LOC128462377: variants seen among roughly 807,000 people sequenced by gnomAD.
chr16:89,366,530 G>A, the LOC128462377 span, among the ~76,000 whole-genome samples: 8 of 152,320 alleles, frequency 5.3e-5, no homozygotes, highest in Non-Finnish European at 8.8e-5. Context: ...GCTGACTGGT[G>A]TGAGATGGTG....
chr16:89,385,419 G>A, the LOC128462377 span, among the ~76,000 whole-genome samples: 13 of 152,136 alleles, frequency 8.5e-5, no homozygotes, highest in South Asian at 2.1e-3. Flanking sequence ...GTGAGCCACC[G>A]GACCCAGCAG....
the LOC128462377 span, among the ~76,000 whole-genome samples, chr16:89,410,394 G>A: frequency 6.6e-6 from 1 of 152,226 alleles, no homozygotes; most frequent in Non-Finnish European, 1.5e-5. Context: ...CAAGGAAATG[G>A]AGATAATAAA....
chr16:89,334,739 C>T, the LOC128462377 span, among the ~76,000 whole-genome samples: 1 of 152,174 alleles, frequency 6.6e-6, no homozygotes, highest in African/African-American at 2.4e-5. Flanking sequence ...CGTCATACCA[C>T]ACTCACTTGT....
At chr16:89,405,163 C>T in the LOC128462377 span, among the ~76,000 whole-genome samples, 1 of 152,022 alleles carries the variant, frequency 6.6e-6, no homozygotes, top group Non-Finnish European at 1.5e-5. Context: ...CATTGCACTC[C>T]AGCCTGGGCG....
At chr16:89,333,457 C>T in the LOC128462377 span, among the ~76,000 whole-genome samples, 2 of 152,218 alleles carry the variant, frequency 1.3e-5, no homozygotes, top group Non-Finnish European at 1.5e-5. Flanking sequence ...GTGGACCCAC[C>T]GTTGTGGTAT....
the LOC128462377 span, among the ~76,000 whole-genome samples, chr16:89,388,489 T>G: frequency 6.6e-6 from 1 of 151,868 alleles, no homozygotes. Context: ...TAAGCAAGAT[T>G]TGCGTTTCCC....
At chr16:89,381,922 T>A in the LOC128462377 span, among the ~76,000 whole-genome samples, 1 of 152,226 alleles carries the variant, frequency 6.6e-6, no homozygotes, top group Non-Finnish European at 1.5e-5. Context: ...ACTCTCAGGC[T>A]GTGACCTCTC....
chr16:89,391,184 C>T, the LOC128462377 span, among the ~76,000 whole-genome samples: 8 of 148,488 alleles, frequency 5.4e-5, no homozygotes, highest in Non-Finnish European at 1.2e-4. Flanking sequence ...GCCGAGATCG[C>T]GCCACTGAAC....
At chr16:89,345,201 A>G in the LOC128462377 span, among the ~76,000 whole-genome samples, 1 of 152,144 alleles carries the variant, frequency 6.6e-6, no homozygotes, top group Non-Finnish European at 1.5e-5. Flanking sequence ...TCCAAACTGT[A>G]AAGATGGAAA....
At chr16:89,361,619 C>T in the LOC128462377 span, 5 of 152,212 alleles carry the variant, frequency 3.3e-5, no homozygotes, top group African/African-American at 2.4e-5. Flanking sequence ...GGGAGAATGC[C>T]GCTCTGAGGG....
the LOC128462377 span, chr16:89,317,098 C>G: frequency 1.1e-5 from 16 of 1,457,436 alleles, no homozygotes; most frequent in East Asian, 3.6e-4. Flanking sequence ...AGAAGACACA[C>G]AATTCACTGA....
At chr16:89,360,276 T>C in the LOC128462377 span, among the ~76,000 whole-genome samples, 1 of 152,212 alleles carries the variant, frequency 6.6e-6, no homozygotes, top group South Asian at 2.1e-4. Context: ...TCTTATTTTG[T>C]ATTAGGGATG....
chr16:89,364,727 G>A, the LOC128462377 span, among the ~76,000 whole-genome samples: 1 of 152,196 alleles, frequency 6.6e-6, no homozygotes, highest in Admixed American at 6.5e-5. Context: ...ATGGGCCGCG[G>A]GCTGGACAAG....
chr16:89,415,261 CTTTTTTTTT>C, the LOC128462377 span, among the ~76,000 whole-genome samples: 1 of 84,532 alleles, frequency 1.2e-5, no homozygotes, highest in East Asian at 3.5e-4. Context: ...GCCAGCTATT[CTTTTTTTTT>C]TTTTTTTTTT....
chr16:89,329,931 C>T, the LOC128462377 span, among the ~76,000 whole-genome samples: 82 of 151,534 alleles, frequency 5.4e-4, no homozygotes, highest in Non-Finnish European at 1.0e-3. Context: ...CAGAGGCTGC[C>T]GTGAGCAGAG....
chr16:89,384,879 C>CTTTTTTTTTTTTTTTTTTTTTT, the LOC128462377 span, among the ~76,000 whole-genome samples: 63 of 49,938 alleles, frequency 1.3e-3, 5 homozygotes, highest in East Asian at 2.0e-3. Context: ...AAATAGTTTT[C>CTTTTTTTTTTTTTTTTTTTTTT]TTTTTTTTTT....
the LOC128462377 span, among the ~76,000 whole-genome samples, chr16:89,407,433 A>G: frequency 1.3e-5 from 2 of 152,140 alleles, no homozygotes; most frequent in African/African-American, 4.8e-5. Context: ...CCTTCCCAGC[A>G]TTTCCTGCCA....
chr16:89,416,668 A>G, the LOC128462377 span, among the ~76,000 whole-genome samples: 3 of 151,350 alleles, frequency 2.0e-5, no homozygotes, highest in Admixed American at 6.6e-5. Flanking sequence ...GGTGGCTCAC[A>G]CCTGTAATCC....
At chr16:89,342,713 C>G in the LOC128462377 span, among the ~76,000 whole-genome samples, 1 of 152,196 alleles carries the variant, frequency 6.6e-6, no homozygotes, top group Non-Finnish European at 1.5e-5. Flanking sequence ...ATGGGCCCTA[C>G]AGAATTACTT....
Sources: allele counts gnomAD v4.1 joint callset (sites outside exome capture counted in the v4.1 genomes callset), GRCh38; gene constraint gnomAD v4.1.1; transcripts MANE v1.5.